MAGI3: variants seen among roughly 807,000 people sequenced by gnomAD.
MAGI3 encodes the protein membrane-associated guanylate kinase, WW and PDZ domain-containing protein 3.
MAGI3 carries 43 observed loss-of-function variants against 121.8 expected under a neutral mutation model. That is an observed-to-expected ratio of 0.35 (90% CI 0.28 to 0.46). The LOEUF is 0.46. Among genes scored for constraint, MAGI3 ranks in the 20% least tolerant of loss-of-function variants. The pLI is 1.00. For missense variants in MAGI3, 1,547 were observed against 1,797.3 expected (o/e 0.86, Z 2.52); for synonymous variants, 553 against 639.3 (o/e 0.86, Z 2.04).
rs376218661 is a variant in MAGI3 at position 113,666,932 on chromosome 1, CAGTA to C, written c.2816-4799_2816-4796del. Among the ~76,000 whole-genome samples, 226 of 152,284 alleles carry C rather than the reference CAGTA, an allele frequency of 1.5e-3. 2 individuals are homozygous for C. In the South Asian group the frequency reaches 0.016, roughly 11 times the overall value. ...GCTCTTGAGTGACTAGGTGCTTTGTCAGTAAGCAGTAATATTTTGAAAGGAATCT... is the reference window on the plus strand; with the variant it reads ...GCTCTTGAGTGACTAGGTGCTTTGTCAGCAGTAATATTTTGAAAGGAATCT... On this transcript the variant is annotated intron_variant, in intron 16 of 20. Transcript: ENST00000307546.
chr1:113,595,643 G>A (rs1051681896), intron 6 of MAGI3, among the ~76,000 whole-genome samples: 52 of 152,044 alleles, frequency 3.4e-4, no homozygotes, highest in Non-Finnish European at 6.5e-4. Context: ...CCTCTACAAT[G>A]GCATCAAAAA....
chr1:113,396,287 TTGTGTGTGTGTG>T (rs3058309), intron 1 of MAGI3, among the ~76,000 whole-genome samples: 1 of 146,878 alleles, frequency 6.8e-6, no homozygotes, highest in African/African-American at 2.5e-5. Flanking sequence ...AATGTCAGGG[TTGTGTGTGTGTG>T]TGTGTGTGTG....
intron 2 of MAGI3, among the ~76,000 whole-genome samples, chr1:113,560,118 A>G (rs190445310): frequency 7.3e-4 from 111 of 151,160 alleles, no homozygotes; most frequent in African/African-American, 2.5e-3. Context: ...CTGATCACAT[A>G]ATCAGAAGTA....
chr1:113,525,484 T>C (rs547141668), intron 1 of MAGI3, among the ~76,000 whole-genome samples: 17 of 152,116 alleles, frequency 1.1e-4, no homozygotes, highest in African/African-American at 4.1e-4. Context: ...CTTTGTTAAA[T>C]TATATTTCCT....
chr1:113,535,150 CTGT>C (rs1473284732), intron 1 of MAGI3, among the ~76,000 whole-genome samples: 3 of 152,148 alleles, frequency 2.0e-5, no homozygotes, highest in Non-Finnish European at 2.9e-5. Flanking sequence ...TGAAAGCAAG[CTGT>C]ACTCGGCCAG....
At chr1:113,682,174 T>TTC (rs1168915236) in intron 20 of MAGI3, 4 of 1,572,776 alleles carry the variant, frequency 2.5e-6, no homozygotes, top group African/African-American at 2.8e-5. Flanking sequence ...TTTTTTTTTT[T>TTC]TTCACATAGT....
At chr1:113,583,646 A>G (rs1648181009) in intron 3 of MAGI3, among the ~76,000 whole-genome samples, 1 of 152,088 alleles carries the variant, frequency 6.6e-6, no homozygotes, top group Admixed American at 6.6e-5. Context: ...CGAACCTCCT[A>G]ATCCCCAGCC....
At chr1:113,679,681 A>G (rs558627398) in intron 19 of MAGI3, among the ~76,000 whole-genome samples, 1 of 150,446 alleles carries the variant, frequency 6.6e-6, no homozygotes, top group Non-Finnish European at 1.5e-5. Flanking sequence ...TCTGATCCCT[A>G]GTTTTATGTT....
At chr1:113,450,071 T>C in intron 1 of MAGI3, 3 of 1,527,992 alleles carry the variant, frequency 2.0e-6, no homozygotes, top group Non-Finnish European at 1.8e-6. Flanking sequence ...GAGACTTCTT[T>C]GAAAAGTATG....
At chr1:113,579,304 G>T (rs562597840) in intron 2 of MAGI3, among the ~76,000 whole-genome samples, 1 of 152,298 alleles carries the variant, frequency 6.6e-6, no homozygotes, top group East Asian at 1.9e-4. Flanking sequence ...TAGCTGAGGT[G>T]AGAGTGGGAA....
chr1:113,410,574 G>A (rs1252073137), intron 1 of MAGI3, among the ~76,000 whole-genome samples: 1 of 151,716 alleles, frequency 6.6e-6, no homozygotes, highest in African/African-American at 2.4e-5. Context: ...ATACTAAATT[G>A]TCTCAGTCTT....
chr1:113,467,425 G>A (rs1655343337), intron 1 of MAGI3, among the ~76,000 whole-genome samples: 1 of 152,096 alleles, frequency 6.6e-6, no homozygotes, highest in South Asian at 2.1e-4. Flanking sequence ...GCTTGTGTTG[G>A]TGAAATGTTC....
chr1:113,419,952 C>A (rs1652650741), intron 1 of MAGI3, among the ~76,000 whole-genome samples: 1 of 152,150 alleles, frequency 6.6e-6, no homozygotes, highest in Non-Finnish European at 1.5e-5. Flanking sequence ...GTTGTCACAT[C>A]TCCTTCTCTC....
At chr1:113,534,909 G>A (rs1228991898) in intron 1 of MAGI3, among the ~76,000 whole-genome samples, 1 of 151,948 alleles carries the variant, frequency 6.6e-6, no homozygotes, top group Non-Finnish European at 1.5e-5. Flanking sequence ...CCTAAGATGT[G>A]GTCTTAACAG....
At chr1:113,446,552 T>A (rs1654189001) in intron 1 of MAGI3, among the ~76,000 whole-genome samples, 2 of 152,142 alleles carry the variant, frequency 1.3e-5, no homozygotes, top group South Asian at 4.1e-4. Flanking sequence ...TAAACTTAAA[T>A]GCGTTAAACT....
intron 1 of MAGI3, among the ~76,000 whole-genome samples, chr1:113,533,151 T>C (rs1189424859): frequency 6.6e-6 from 1 of 152,230 alleles, no homozygotes; most frequent in Non-Finnish European, 1.5e-5. Flanking sequence ...TATGGTTTTC[T>C]TTTAGCTTTA....
At chr1:113,414,968 G>A (rs534211417) in intron 1 of MAGI3, among the ~76,000 whole-genome samples, 49 of 152,076 alleles carry the variant, frequency 3.2e-4, no homozygotes, top group African/African-American at 1.1e-3. Flanking sequence ...ATTATTATGT[G>A]AAATTTGGTA....
chr1:113,396,875 G>T (rs1651143126), intron 1 of MAGI3, among the ~76,000 whole-genome samples: 1 of 152,172 alleles, frequency 6.6e-6, no homozygotes, highest in Non-Finnish European at 1.5e-5. Flanking sequence ...TTTTCTGCCA[G>T]TGTTTAAAAC....
At chr1:113,578,880 A>G (rs1274884312) in intron 2 of MAGI3, among the ~76,000 whole-genome samples, 1 of 152,206 alleles carries the variant, frequency 6.6e-6, no homozygotes, top group Non-Finnish European at 1.5e-5. Context: ...AGAAAATTCA[A>G]TATAGTCTTT....
Sources: allele counts gnomAD v4.1 joint callset (sites outside exome capture counted in the v4.1 genomes callset), GRCh38; gene constraint gnomAD v4.1.1; transcripts MANE v1.5; gene names NCBI Gene and HGNC (gene_info 2026-07-23, HGNC 2026-07-21).